The following KCNN3 variants were observed in gnomAD, a reference collection of about 807,000 sequenced individuals.
The protein encoded by KCNN3 is potassium calcium-activated channel subfamily N member 3.
Under a neutral mutation model 62.9 loss-of-function variants are expected in KCNN3, and 16 were observed. That is an observed-to-expected ratio of 0.25 (90% CI 0.17 to 0.39). The LOEUF (loss-of-function observed/expected upper bound fraction) is 0.39. Ranked by LOEUF, KCNN3 falls within the 10% of genes least tolerant of loss-of-function variation. KCNN3 has a pLI of 1.00. For synonymous variants in KCNN3, 370 were observed against 389.2 expected (o/e 0.95, Z 0.58); for missense variants, 599 against 949.4 (o/e 0.63, Z 4.85).
chr1:154,845,784 TC>T (rs1652032254), intron 1 of KCNN3, among the ~76,000 whole-genome samples: 1 of 152,128 alleles, frequency 6.6e-6, no homozygotes, highest in Non-Finnish European at 1.5e-5. Context: ...TCTAGACAGA[TC>T]CTTCTGCATG....
chr1:154,835,287 T>A (rs1370524505), intron 1 of KCNN3, among the ~76,000 whole-genome samples: 1 of 152,216 alleles, frequency 6.6e-6, no homozygotes, highest in Non-Finnish European at 1.5e-5. Flanking sequence ...TTACTATGAA[T>A]GGTAATCATT....
chr1:154,820,006 A>G (rs553910568), intron 2 of KCNN3, among the ~76,000 whole-genome samples: 53 of 152,356 alleles, frequency 3.5e-4, no homozygotes, highest in African/African-American at 1.3e-3. Context: ...TCAGGATTCA[A>G]CACAACTGAT....
At position 154,798,916 on chromosome 1, in the gene KCNN3, A is replaced by ATT. The variant is rs56240234; in HGVS notation, c.1029+23171_1029+23172dup. Among the ~76,000 whole-genome samples the ATT allele has an allele frequency of 9.3e-4, 122 of 131,272 alleles. 2 individuals carry two copies. The highest frequency in any genetic ancestry group is 1.5e-3 in the Admixed American group (19 of 13,020). 86.1% of individuals were successfully genotyped at this position (131,272 alleles called of 152,430 possible). On this transcript the variant is annotated intron_variant, in intron 2 of 7. Coordinates refer to ENST00000271915, the MANE Select transcript of KCNN3 (RefSeq NM_002249.6). ...ATTACACAACACTGACACTTATTGCATTTTTTTTTTTTTTTTTTTGAGACA... is the reference window on the plus strand; with the variant it reads ...ATTACACAACACTGACACTTATTGCATTTTTTTTTTTTTTTTTTTTTGAGACA...
At position 154,707,842 on chromosome 1, in the gene KCNN3, G is replaced by A; in HGVS notation, c.*134C>T. On this transcript the variant is annotated 3_prime_UTR_variant, in exon 8 of 8. Coordinates refer to ENST00000271915, the MANE Select transcript of KCNN3 (RefSeq NM_002249.6). ...CGGACCAAGCACGCTGAATGAACAT[G>A]AGTTAGTTAATTAGCTCGGTCTCTC... The A allele has an allele frequency of 1.0e-6, 1 of 996,518 alleles. No individual in the cohort carries two copies. The highest frequency in any genetic ancestry group is 1.5e-6 in the Non-Finnish European group (1 of 664,224). 61.7% of individuals were successfully genotyped at this position (996,518 alleles called of 1,614,324 possible). A position where few individuals can be genotyped will look rare whatever the true frequency, so the allele number is the denominator to read the frequency against.
intron 7 of KCNN3, among the ~76,000 whole-genome samples, chr1:154,709,114 C>T (rs527472322): frequency 1.3e-5 from 2 of 152,298 alleles, no homozygotes; most frequent in Admixed American, 6.5e-5. Context: ...ACTGACTCCC[C>T]GTGTTCCAGG....
At chr1:154,748,729 G>T (rs562978821) in intron 3 of KCNN3, among the ~76,000 whole-genome samples, 76 of 152,332 alleles carry the variant, frequency 5.0e-4, no homozygotes, top group Admixed American at 1.7e-3. Context: ...GGGAGGCTGA[G>T]ACAGAAGGAT....
At chr1:154,811,196 G>A (rs548942797) in intron 2 of KCNN3, among the ~76,000 whole-genome samples, 3 of 152,138 alleles carry the variant, frequency 2.0e-5, no homozygotes, top group African/African-American at 7.2e-5. Context: ...GATGGGACAG[G>A]GTAAAGGTAA....
chr1:154,870,000 C>G lies in KCNN3; in HGVS notation c.-36G>C. On this transcript the variant is annotated 5_prime_UTR_variant, in exon 1 of 8. Coordinates refer to ENST00000271915, the MANE Select transcript of KCNN3 (RefSeq NM_002249.6). The surrounding 1 kb of genome is among the most constrained non-coding windows in gnomAD (Gnocchi z 6.1). The stretch of plus-strand genomic sequence containing the variant: ...GGCTGTATTCCCTGCAGCACAAGCC[C>G]CCACCCCAAAGCCACCCTCGCTCCA... 6.2e-7 allele frequency: 1 copy of G among 1,601,218 alleles called. No homozygotes were observed. Among genetic ancestry groups the G allele is most frequent in the Non-Finnish European group, 8.5e-7 (1 of 1,173,116 alleles).
chr1:154,848,096 C>G (rs866487550), intron 1 of KCNN3, among the ~76,000 whole-genome samples: 21 of 152,144 alleles, frequency 1.4e-4, no homozygotes, highest in African/African-American at 4.6e-4. Context: ...AAGGAGGCCT[C>G]CCCCCCTCCC....
intron 2 of KCNN3, among the ~76,000 whole-genome samples, chr1:154,797,208 C>G (rs1485233605): frequency 6.6e-6 from 1 of 152,194 alleles, no homozygotes; most frequent in Non-Finnish European, 1.5e-5. Flanking sequence ...AATGCTCATA[C>G]TAATGGTTAC....
At chr1:154,852,794 T>G (rs11264275) in intron 1 of KCNN3, among the ~76,000 whole-genome samples, 71,571 of 151,996 alleles carry the variant, frequency 0.47, 19,122 homozygotes, top group East Asian at 0.96. Context: ...CTCAGGAATT[T>G]AAAATGACAG....
At chr1:154,751,335 G>A (rs948938081) in intron 3 of KCNN3, among the ~76,000 whole-genome samples, 3 of 152,048 alleles carry the variant, frequency 2.0e-5, no homozygotes, top group Admixed American at 6.5e-5. Context: ...TCCCATTCTC[G>A]GGACAACTAG....
chr1:154,869,317 G>A lies in KCNN3; in HGVS notation c.648C>T (p.Pro216=). 1 of 1,613,794 alleles carries A rather than the reference G, an allele frequency of 6.2e-7. No individual in the cohort carries two copies. The highest frequency in any genetic ancestry group is 8.5e-7 in the Non-Finnish European group (1 of 1,179,698). ...QPLQLFSPSN[P]PEIVISSRED... is the part of the protein sequence containing the mutation. ...CCCGGGAGGAGATGACGATCTCCGG[G>A]GGGTTGCTAGGGCTGAAAAGCTGGA... The change falls in exon 1 of 8, where the codon CCC becomes CCT. Residue 216 remains proline (P), a synonymous_variant. Transcript: ENST00000271915. This position sits in a 1 kb window ranked among gnomAD's most constrained non-coding sequence, Gnocchi z 6.1.
At chr1:154,826,025 G>T (rs1297762149) in intron 1 of KCNN3, among the ~76,000 whole-genome samples, 1 of 148,684 alleles carries the variant, frequency 6.7e-6, no homozygotes, top group Non-Finnish European at 1.5e-5. Flanking sequence ...TCCAGCCTGG[G>T]TGAAGAGCGA....
At chr1:154,789,527 T>C (rs1649421901) in intron 2 of KCNN3, among the ~76,000 whole-genome samples, 1 of 152,124 alleles carries the variant, frequency 6.6e-6, no homozygotes, top group Admixed American at 6.5e-5. Flanking sequence ...ACGTTGTCAT[T>C]ATTTCTATTT....
chr1:154,810,522 C>T (rs1178670657), intron 2 of KCNN3, among the ~76,000 whole-genome samples: 1 of 152,176 alleles, frequency 6.6e-6, no homozygotes, highest in Admixed American at 6.5e-5. Flanking sequence ...GGCAGGTTAC[C>T]CTGAGATGGC....
At chr1:154,726,716 T>C (rs1467315467) in intron 4 of KCNN3, among the ~76,000 whole-genome samples, 3 of 152,278 alleles carry the variant, frequency 2.0e-5, no homozygotes, top group South Asian at 2.1e-4. Context: ...GGCTCATGAA[T>C]TCACCGTCAT....
chr1:154,855,382 C>G (rs1406161786), intron 1 of KCNN3, among the ~76,000 whole-genome samples: 1 of 152,202 alleles, frequency 6.6e-6, no homozygotes, highest in Non-Finnish European at 1.5e-5. Flanking sequence ...CATTCACTCT[C>G]CACTCACTCA....
intron 5 of KCNN3, among the ~76,000 whole-genome samples, chr1:154,721,596 C>T (rs546125596): frequency 3.3e-5 from 5 of 152,084 alleles, no homozygotes; most frequent in African/African-American, 4.8e-5. Context: ...CCACCGCACC[C>T]GGCCCACTCT....
Sources: allele counts gnomAD v4.1 joint callset (sites outside exome capture counted in the v4.1 genomes callset), GRCh38; gene constraint gnomAD v4.1.1; non-coding constraint Gnocchi (gnomAD v3.1); transcripts MANE v1.5; gene names NCBI Gene and HGNC (gene_info 2026-07-23, HGNC 2026-07-21).